Variants in GULP1 observed in about 807,000 individuals in gnomAD.
GULP1 encodes PTB domain-containing engulfment adapter protein 1.
GULP1 carries 19 observed loss-of-function variants against 40.9 expected under a neutral mutation model. That is an observed-to-expected ratio of 0.46 (90% CI 0.32 to 0.68). The LOEUF (loss-of-function observed/expected upper bound fraction) is 0.68. Ranked by LOEUF, GULP1 falls within the 30% of genes least tolerant of loss-of-function variation. The pLI is 0.03. For synonymous variants in GULP1, 119 were observed against 117.6 expected, an observed-to-expected ratio of 1.01 and a Z score of -0.08; for missense variants, 312 against 362.2, an observed-to-expected ratio of 0.86 and a Z score of 1.12.
intron 4 of GULP1, among the ~76,000 whole-genome samples, chr2:188,501,673 A>C (rs1193094908): frequency 1.3e-5 from 2 of 151,878 alleles, no homozygotes; most frequent in African/African-American, 4.8e-5. Context: ...TAGGTTGAAA[A>C]ATTGTCAAGA....
At chr2:188,360,859 G>T (rs985099986) in intron 1 of GULP1, among the ~76,000 whole-genome samples, 11 of 151,936 alleles carry the variant, frequency 7.2e-5, no homozygotes, top group Non-Finnish European at 1.5e-4. Flanking sequence ...AAAGTAAATA[G>T]CCCAAATAAC....
At chr2:188,481,967 A>T (rs2061478374) in intron 3 of GULP1, among the ~76,000 whole-genome samples, 1 of 151,986 alleles carries the variant, frequency 6.6e-6, no homozygotes, top group Non-Finnish European at 1.5e-5. Flanking sequence ...CACAAAAAGT[A>T]TAGCTAAGAT....
At chr2:188,457,236 G>T (rs1293834682) in intron 2 of GULP1, among the ~76,000 whole-genome samples, 1 of 152,170 alleles carries the variant, frequency 6.6e-6, no homozygotes, top group Non-Finnish European at 1.5e-5. Context: ...GTGAGGACAT[G>T]AAATTTGGGA....
chr2:188,418,001 A>G (rs979429017), intron 2 of GULP1, among the ~76,000 whole-genome samples: 3 of 151,282 alleles, frequency 2.0e-5, no homozygotes, highest in African/African-American at 4.9e-5. Flanking sequence ...TTTTTTAGAG[A>G]CAGAGTTTTG....
chr2:188,398,269 T>C (rs776577263), intron 2 of GULP1, among the ~76,000 whole-genome samples: 9 of 152,198 alleles, frequency 5.9e-5, no homozygotes, highest in Non-Finnish European at 1.2e-4. Context: ...CTTCCCGAAC[T>C]ATGAGAGAAT....
At chr2:188,564,352 A>T (rs1233027908) in intron 7 of GULP1, among the ~76,000 whole-genome samples, 1 of 151,736 alleles carries the variant, frequency 6.6e-6, no homozygotes, top group African/African-American at 2.4e-5. Flanking sequence ...TTACATAAAA[A>T]TTGCTGAGAT....
At chr2:188,576,972 C>G (rs945939178) in intron 9 of GULP1, among the ~76,000 whole-genome samples, 14 of 152,118 alleles carry the variant, frequency 9.2e-5, no homozygotes, top group Non-Finnish European at 1.3e-4. Flanking sequence ...CTCATAGCCT[C>G]ATGAATGCCT....
At chr2:188,408,644 T>A (rs185525180) in intron 2 of GULP1, among the ~76,000 whole-genome samples, 5 of 152,298 alleles carry the variant, frequency 3.3e-5, no homozygotes, top group Non-Finnish European at 1.5e-5. Flanking sequence ...ACATTGGACT[T>A]GAACTTCTGT....
chr2:188,553,079 G>C (rs1439403732), intron 7 of GULP1, among the ~76,000 whole-genome samples: 1 of 151,774 alleles, frequency 6.6e-6, no homozygotes, highest in Non-Finnish European at 1.5e-5. Flanking sequence ...AAATCTAAGA[G>C]TTTTTTTATG....
At chr2:188,531,523 A>G (rs927739817) in intron 6 of GULP1, among the ~76,000 whole-genome samples, 2 of 152,168 alleles carry the variant, frequency 1.3e-5, no homozygotes, top group African/African-American at 4.8e-5. Flanking sequence ...AATCTTCTCT[A>G]TTATTCACCC....
intron 1 of GULP1, among the ~76,000 whole-genome samples, chr2:188,293,662 G>A (rs6721812): frequency 0.043 from 6,478 of 152,306 alleles, 464 homozygotes; most frequent in African/African-American, 0.15. Flanking sequence ...GGAGAGTGCA[G>A]TCGCTGGTGA....
At chr2:188,468,766 A>G (rs1353047930) in intron 2 of GULP1, among the ~76,000 whole-genome samples, 1 of 152,214 alleles carries the variant, frequency 6.6e-6, no homozygotes, top group Admixed American at 6.5e-5. Flanking sequence ...TAGACTGTCA[A>G]ATAAAAAAAC....
intron 2 of GULP1, among the ~76,000 whole-genome samples, chr2:188,422,861 T>C (rs993510634): frequency 4.6e-5 from 7 of 152,060 alleles, no homozygotes; most frequent in Admixed American, 3.9e-4. Context: ...CAGTGGAGGA[T>C]CTCTGTGCCT....
In GULP1 at chr2:188,529,204, T is replaced by C; in HGVS notation, c.261+9T>C. ...TAGAACCCAAAACAAAGGTAAGGCTTTTTTTTTAATGTTAGAGGCAATCTT... is the reference window on the plus strand; with the variant it reads ...TAGAACCCAAAACAAAGGTAAGGCTCTTTTTTTAATGTTAGAGGCAATCTT... On this transcript the variant is annotated intron_variant, in intron 6 of 11. Transcript: ENST00000409830. 3.2e-6 allele frequency: 4 copies of C among 1,238,266 alleles called. No homozygotes were observed. Among genetic ancestry groups the C allele is most frequent in the Non-Finnish European group, 4.6e-6 (4 of 860,878 alleles). 76.7% of individuals were successfully genotyped at this position (1,238,266 alleles called of 1,614,324 possible).
intron 2 of GULP1, among the ~76,000 whole-genome samples, chr2:188,390,051 A>C (rs2050307136): frequency 1.3e-5 from 2 of 151,758 alleles, no homozygotes; most frequent in African/African-American, 4.8e-5. Flanking sequence ...TTGCTTCCAT[A>C]TCTTTGCCTT....
chr2:188,481,368 A>G (rs2061433811), intron 3 of GULP1, among the ~76,000 whole-genome samples: 1 of 151,994 alleles, frequency 6.6e-6, no homozygotes, highest in African/African-American at 2.4e-5. Context: ...ATAAATTAGG[A>G]TGACAGTAAG....
chr2:188,504,019 A>G (rs115186456), intron 4 of GULP1, among the ~76,000 whole-genome samples: 2,676 of 151,978 alleles, frequency 0.018, 73 homozygotes, highest in African/African-American at 0.059. Flanking sequence ...CATCTGCCCA[A>G]TACTTTTTTT....
rs201490436 is a variant in GULP1, at chr2:188,513,769, T to TA, written c.91-8978dup. 4.3e-3 allele frequency among the ~76,000 whole-genome samples: 645 copies of TA among 151,752 alleles called. 13 individuals are homozygous for TA. The highest frequency in any genetic ancestry group is 0.029 in the Admixed American group (447 of 15,224). Reference sequence around the variant, plus strand: ...GTAAACTCTATGGCCTGATATTTCTTAAAAAAAAATTCACCGTAATAAATT... The same window carrying TA: ...GTAAACTCTATGGCCTGATATTTCTTAAAAAAAAAATTCACCGTAATAAATT... On this transcript the variant is annotated intron_variant, in intron 4 of 11. Transcript: ENST00000409830.
At chr2:188,457,268 T>C (rs796583920) in intron 2 of GULP1, among the ~76,000 whole-genome samples, 28 of 152,204 alleles carry the variant, frequency 1.8e-4, no homozygotes, top group African/African-American at 6.3e-4. Flanking sequence ...CCAAATGATA[T>C]GGTTTGGCTG....
Sources: gnomAD v4.1 joint callset for allele counts (sites outside exome capture counted in the v4.1 genomes callset) on GRCh38, gnomAD v4.1.1 for gene constraint, MANE v1.5 for transcripts, NCBI Gene and HGNC (gene_info 2026-07-23, HGNC 2026-07-21) for gene names.